The following GALNTL6 variants were observed in gnomAD, a reference collection of about 807,000 sequenced individuals.
The protein encoded by GALNTL6 is polypeptide N-acetylgalactosaminyltransferase like 6, also known as polypeptide N-acetylgalactosaminyltransferase-like 6.
In GALNTL6, 46 loss-of-function variants were observed where a neutral mutation model predicts 73.7. That is an observed-to-expected ratio of 0.62 (90% CI 0.49 to 0.80). The LOEUF is 0.80. Among genes scored for constraint, GALNTL6 ranks in the 30% least tolerant of loss-of-function variants. GALNTL6 has a pLI of 0.00. For missense variants in GALNTL6, 604 were observed against 755.0 expected (o/e 0.80, Z 2.34); for synonymous variants, 259 against 263.7 (o/e 0.98, Z 0.17).
At chr4:171,934,927 C>A (rs1738296555) in intron 2 of GALNTL6, among the ~76,000 whole-genome samples, 2 of 152,140 alleles carry the variant, frequency 1.3e-5, no homozygotes, top group African/African-American at 4.8e-5. Context: ...CCACCTAACT[C>A]TTTTTTTCTC....
chr4:172,632,737 C>T (rs1360187991), intron 5 of GALNTL6, among the ~76,000 whole-genome samples: 1 of 152,190 alleles, frequency 6.6e-6, no homozygotes, highest in Non-Finnish European at 1.5e-5. Flanking sequence ...ATGTTACAGA[C>T]CTTTATGGCA....
chr4:172,784,509 A>G (rs1466216682), intron 5 of GALNTL6, among the ~76,000 whole-genome samples: 2 of 152,290 alleles, frequency 1.3e-5, no homozygotes, highest in Non-Finnish European at 2.9e-5. Context: ...CTGGTGGTCA[A>G]AAGTCTAGAA....
At chr4:172,666,574 T>A (rs751270983) in intron 5 of GALNTL6, among the ~76,000 whole-genome samples, 1 of 152,146 alleles carries the variant, frequency 6.6e-6, no homozygotes, top group Admixed American at 6.5e-5. Context: ...TTGGACTAAT[T>A]CCACCCTTGT....
chr4:172,654,757 G>A (rs1730891460), intron 5 of GALNTL6, among the ~76,000 whole-genome samples: 1 of 152,176 alleles, frequency 6.6e-6, no homozygotes, highest in Non-Finnish European at 1.5e-5. Context: ...GTTTCTGAAG[G>A]AAAGTAGAAA....
At chr4:172,374,589 T>C (rs991291804) in intron 5 of GALNTL6, among the ~76,000 whole-genome samples, 1 of 152,168 alleles carries the variant, frequency 6.6e-6, no homozygotes, top group African/African-American at 2.4e-5. Flanking sequence ...TTCCTAATTC[T>C]CCTTAGTCCT....
At chr4:172,626,821 A>T (rs1038797859) in intron 5 of GALNTL6, among the ~76,000 whole-genome samples, 4 of 152,080 alleles carry the variant, frequency 2.6e-5, no homozygotes, top group Non-Finnish European at 5.9e-5. Context: ...TAGAAATGGC[A>T]CTAATTTTTA....
rs573088965 is a variant in GALNTL6, at chr4:172,229,135, A to G, written c.139-521A>G. Among the ~76,000 whole-genome samples the G allele has an allele frequency of 5.3e-4, 80 of 152,348 alleles. 1 individual carries two copies. The highest frequency in any genetic ancestry group is 1.9e-3 in the African/African-American group (80 of 41,590). The stretch of plus-strand genomic sequence containing the variant: ...TTACTCGGCAGAAAAATGGGGATTT[A>G]CAACTCGAGGCTATCATAAAGATTA... On this transcript the variant is annotated intron_variant, in intron 2 of 12. Coordinates refer to ENST00000506823, the MANE Select transcript of GALNTL6 (RefSeq NM_001034845.3).
At position 172,786,838 on chromosome 4, in the gene GALNTL6, A is replaced by G. The variant is rs1292803091; in HGVS notation, c.554-22523A>G. ...CCAAAATTTTATTGATGTAATTTCT[A>G]TTTTCACATTAGAGAAATTAAAATT... On this transcript the variant is annotated intron_variant, in intron 5 of 12. Coordinates refer to ENST00000506823, the MANE Select transcript of GALNTL6 (RefSeq NM_001034845.3). Among the ~76,000 whole-genome samples, 3 of 152,318 alleles carry G rather than the reference A, an allele frequency of 2.0e-5. No homozygotes were observed. In the East Asian group the frequency reaches 5.8e-4, roughly 29 times the overall value.
chr4:172,151,903 TA>T (rs1470586934), intron 2 of GALNTL6, among the ~76,000 whole-genome samples: 1 of 149,822 alleles, frequency 6.7e-6, no homozygotes, highest in Non-Finnish European at 1.5e-5. Flanking sequence ...TCTGTATATA[TA>T]AAAATATATA....
intron 2 of GALNTL6, among the ~76,000 whole-genome samples, chr4:171,877,123 G>A (rs1736301482): frequency 6.6e-6 from 1 of 152,090 alleles, no homozygotes; most frequent in Admixed American, 6.6e-5. Context: ...TCAAAATTCA[G>A]TATTAGTGTT....
chr4:172,437,201 T>A (rs888981142), intron 5 of GALNTL6, among the ~76,000 whole-genome samples: 9 of 152,130 alleles, frequency 5.9e-5, no homozygotes, highest in Non-Finnish European at 5.9e-5. Context: ...TTGTCCCTGT[T>A]TGTCTCACCT....
intron 2 of GALNTL6, among the ~76,000 whole-genome samples, chr4:172,195,554 C>A (rs1735735527): frequency 6.6e-6 from 1 of 152,112 alleles, no homozygotes; most frequent in Admixed American, 6.6e-5. Context: ...TCCTCCTTAG[C>A]AAATGCAAAA....
intron 5 of GALNTL6, among the ~76,000 whole-genome samples, chr4:172,439,589 G>T (rs1009472703): frequency 6.6e-6 from 1 of 151,300 alleles, no homozygotes; most frequent in African/African-American, 2.4e-5. Flanking sequence ...TCTAGTTGAT[G>T]GCTTGAAATA....
chr4:172,211,976 C>T lies in GALNTL6; in HGVS notation c.139-17680C>T, dbSNP rs186104250. On this transcript the variant is annotated intron_variant, in intron 2 of 12. Transcript: ENST00000506823. ...TGAATTTTTGGGGAAAGCAACTTTC[C>T]GACCATAGCAAGGTGCTTATTTCAA... 1.9e-4 allele frequency among the ~76,000 whole-genome samples: 29 copies of T among 152,176 alleles called. 1 individual carries two copies. In the South Asian group the frequency reaches 3.1e-3, roughly 16 times the overall value.
intron 5 of GALNTL6, among the ~76,000 whole-genome samples, chr4:172,418,702 T>C (rs565384744): frequency 1.8e-4 from 28 of 152,300 alleles, no homozygotes; most frequent in African/African-American, 6.7e-4. Flanking sequence ...ATAGAACATC[T>C]AATATTAGCA....
intron 2 of GALNTL6, among the ~76,000 whole-genome samples, chr4:172,123,542 G>A (rs540174049): frequency 4.1e-5 from 5 of 120,526 alleles, no homozygotes; most frequent in South Asian, 2.5e-4. Context: ...TCACTCTGTC[G>A]CCAGGCTGGA....
At chr4:172,805,330 A>G (rs751462296) in intron 5 of GALNTL6, among the ~76,000 whole-genome samples, 1 of 152,188 alleles carries the variant, frequency 6.6e-6, no homozygotes, top group Non-Finnish European at 1.5e-5. Context: ...AAATCTCTGA[A>G]AAAAAGGAGG....
chr4:172,747,972 G>A lies in GALNTL6; in HGVS notation c.554-61389G>A, dbSNP rs899285695. 4.7e-5 allele frequency among the ~76,000 whole-genome samples: 7 copies of A among 148,564 alleles called. No homozygotes were observed. The East Asian group carries it at 1.4e-3, about 30-fold the overall frequency. On this transcript the variant is annotated intron_variant, in intron 5 of 12. Transcript: ENST00000506823. ...ATATAAGCTCACTGACACAGTTATT[G>A]CTAACAATGTTGTCAATAGGTTCTT... is the stretch of plus-strand genomic sequence containing the variant.
intron 5 of GALNTL6, among the ~76,000 whole-genome samples, chr4:172,457,180 CTTACA>C (rs987109903): frequency 6.3e-4 from 96 of 151,924 alleles, no homozygotes; most frequent in Middle Eastern, 3.4e-3. Flanking sequence ...CCAGGCCTGC[CTTACA>C]AGAGCTCCTG....
Sources: allele counts gnomAD v4.1 joint callset (sites outside exome capture counted in the v4.1 genomes callset), GRCh38; gene constraint gnomAD v4.1.1; transcripts MANE v1.5; gene names NCBI Gene and HGNC (gene_info 2026-07-23, HGNC 2026-07-21).